The following CRYBG1 variants were observed in gnomAD, a reference collection of about 807,000 sequenced individuals.
CRYBG1 encodes the protein crystallin beta-gamma domain containing 1.
CRYBG1 carries 139 observed loss-of-function variants against 189.2 expected under a neutral mutation model. The observed-to-expected ratio is 0.73, with a 90% confidence interval of 0.64 to 0.85. The LOEUF (loss-of-function observed/expected upper bound fraction) is 0.85, where lower values mean the gene tolerates loss of function less well. CRYBG1 is among the 40% of genes least tolerant of loss of function. CRYBG1 has a pLI of 0.00. For synonymous variants in CRYBG1, 1,023 were observed against 1,017.1 expected, an observed-to-expected ratio of 1.01 and a Z score of -0.11; for missense variants, 2,611 against 2,675.8, an observed-to-expected ratio of 0.98 and a Z score of 0.53.
intron 4 of CRYBG1, 56 bp from the exon 5 acceptor site, chr6:106,525,077 A>G: frequency 6.3e-7 from 1 of 1,579,982 alleles, no homozygotes; most frequent in Non-Finnish European, 8.7e-7. Flanking sequence ...GTGGAAAAAG[A>G]GGATCGTTAT....
intron 1 of CRYBG1, among the ~76,000 whole-genome samples, chr6:106,372,295 A>C (rs1009129137): frequency 2.6e-5 from 4 of 152,014 alleles, no homozygotes; most frequent in African/African-American, 9.7e-5. Context: ...CCAGTTGCTC[A>C]GGCTGGAGTG....
At chr6:106,439,051 A>G (rs1363771348) in intron 1 of CRYBG1, among the ~76,000 whole-genome samples, 2 of 7,540 alleles carry the variant, frequency 2.7e-4, no homozygotes, top group Admixed American at 1.8e-3. Context: ...TTAAAAAATG[A>G]AAAAAAAAAA....
intron 4 of CRYBG1, among the ~76,000 whole-genome samples, chr6:106,523,494 T>C (rs541676435): frequency 2.0e-5 from 3 of 152,242 alleles, no homozygotes; most frequent in East Asian, 3.9e-4. Context: ...TCAAATGACA[T>C]AAAAAGGAAA....
At chr6:106,517,529 A>G (rs896794293) in intron 3 of CRYBG1, among the ~76,000 whole-genome samples, 1 of 151,484 alleles carries the variant, frequency 6.6e-6, no homozygotes, top group African/African-American at 2.4e-5. Flanking sequence ...CATATATATA[A>G]GCTTTGGAAT....
chr6:106,474,399 A>C (rs1772294237), intron 2 of CRYBG1, among the ~76,000 whole-genome samples: 1 of 152,098 alleles, frequency 6.6e-6, no homozygotes, highest in Non-Finnish European at 1.5e-5. Context: ...GTGTATAATA[A>C]CCTGCATATT....
intron 1 of CRYBG1, among the ~76,000 whole-genome samples, chr6:106,365,489 A>G (rs920626241): frequency 6.7e-6 from 1 of 149,814 alleles, no homozygotes; most frequent in Admixed American, 6.7e-5. Context: ...GGGTCTCACT[A>G]TGTTGCCCAG....
At chr6:106,552,274 G>C (rs1008579971) in intron 15 of CRYBG1, 58 bp downstream of exon 15, 1 of 1,231,910 alleles carries the variant, frequency 8.1e-7, no homozygotes, top group Admixed American at 2.7e-5. Flanking sequence ...TTGAAAAGCT[G>C]AACTTATGTT....
In CRYBG1 at chr6:106,403,867, G is replaced by T. The variant is rs1249466569; in HGVS notation, c.173+42786G>T. Among the ~76,000 whole-genome samples the T allele has an allele frequency of 2.6e-5, 4 of 152,308 alleles. No individual in the cohort carries two copies. In the East Asian group the frequency reaches 7.7e-4, roughly 29 times the overall value. On this transcript the variant is annotated intron_variant, in intron 1 of 21. Transcript: ENST00000633556. ...GTGATCTAAGAAAGGTCAAAACATG[G>T]TAGCTTAAAAACAATGTGCAAAACA...
intron 2 of CRYBG1, among the ~76,000 whole-genome samples, chr6:106,476,531 A>T (rs1473294756): frequency 6.6e-6 from 1 of 152,236 alleles, no homozygotes; most frequent in Non-Finnish European, 1.5e-5. Flanking sequence ...CAGCTATGAC[A>T]CTAAGGAATG....
Position 106,552,209 on chromosome 6 carries a change from GA to G in CRYBG1, c.5468del (p.Asn1823IlefsTer81). 6.4e-7 allele frequency: 1 copy of G among 1,567,700 alleles called. No individual in the cohort carries two copies. The highest frequency in any genetic ancestry group is 8.7e-7 in the Non-Finnish European group (1 of 1,150,198). ...GATTCTTTCACTGGCCCAAGGAGAC[GA>G]AATCAGGTAACTTTAAAAATATTCT... ...CLDSFTGPRR[R>X]NQIHLFSEPQ... is the part of the protein sequence containing the mutation. On this transcript the variant is annotated frameshift_variant, in exon 15 of 22. Coordinates refer to ENST00000633556, the MANE Select transcript of CRYBG1 (RefSeq NM_001371242.2). LOFTEE classifies it high-confidence loss of function.
At chr6:106,397,102 A>G (rs185403658) in intron 1 of CRYBG1, among the ~76,000 whole-genome samples, 1 of 152,364 alleles carries the variant, frequency 6.6e-6, no homozygotes, top group Admixed American at 6.5e-5. Flanking sequence ...TCTTTTACCA[A>G]TTCTTTTTTC....
chr6:106,546,943 A>G (rs1019004235), intron 13 of CRYBG1, among the ~76,000 whole-genome samples: 1 of 152,188 alleles, frequency 6.6e-6, no homozygotes, highest in Non-Finnish European at 1.5e-5. Context: ...GAATTCCCTT[A>G]GGTATTTTGT....
In CRYBG1 at chr6:106,511,736, C is replaced by G; in HGVS notation, c.619C>G (p.Pro207Ala). Residue 207 changes from proline to alanine, a missense_variant, in exon 3 of 22, where the codon CCT becomes GCT. By Grantham distance (27) the Pro-to-Ala change is conservative. Around this residue, in one of 3 missense-constraint regions of CRYBG1, gnomAD observed 985 missense variants for 924.4 expected, o/e 1.07. Coordinates refer to ENST00000633556, the MANE Select transcript of CRYBG1 (RefSeq NM_001371242.2). ...CGAGAGCGGTGGCCCCGCAGCCCCC[C>G]CTGACGCCGAGCTGTCACCTCGCTG... ...LPESGGPAAPPDAELSPRWSS... is the reference protein window; with the variant it reads ...LPESGGPAAPADAELSPRWSS... 3.3e-6 allele frequency: 5 copies of G among 1,535,318 alleles called. No homozygotes were observed. The highest frequency in any genetic ancestry group is 1.2e-5 in the South Asian group (1 of 84,002).
At position 106,452,421 on chromosome 6, in the gene CRYBG1, C is replaced by CA. The variant is rs33972717; in HGVS notation, c.312+606dup. Among the ~76,000 whole-genome samples the CA allele has an allele frequency of 2.3e-3, 293 of 125,522 alleles. 2 individuals carry two copies. Among genetic ancestry groups the CA allele is most frequent in the East Asian group, 5.8e-3 (25 of 4,312 alleles). 82.3% of individuals were successfully genotyped at this position (125,522 alleles called of 152,430 possible). ...CCTGAGTGACAGAGTGAGACTGTCTCAAAAAAAAAAAAAAAAAGAATGAGC... is the reference window on the plus strand; with the variant it reads ...CCTGAGTGACAGAGTGAGACTGTCTCAAAAAAAAAAAAAAAAAAGAATGAGC... On this transcript the variant is annotated intron_variant, in intron 2 of 21. Transcript: ENST00000633556.
chr6:106,479,048 T>C (rs887357791), intron 2 of CRYBG1, among the ~76,000 whole-genome samples: 6 of 152,262 alleles, frequency 3.9e-5, no homozygotes, highest in South Asian at 2.1e-4. Context: ...TTCTTCCATG[T>C]TGTAGCATGT....
intron 1 of CRYBG1, among the ~76,000 whole-genome samples, chr6:106,444,995 A>AACAG (rs368900867): frequency 1.3e-5 from 2 of 151,924 alleles, no homozygotes; most frequent in African/African-American, 2.4e-5. Context: ...CAAACAAACA[A>AACAG]ACAGACAAAC....
In CRYBG1 at chr6:106,512,484, C is replaced by T. The variant is rs1478025224; in HGVS notation, c.1367C>T (p.Ala456Val). 5.0e-6 allele frequency: 8 copies of T among 1,611,428 alleles called. No homozygotes were observed. Among genetic ancestry groups the T allele is most frequent in the Non-Finnish European group, 5.9e-6 (7 of 1,179,280 alleles). Reference protein sequence around the residue: ...AVFDDEVAPNAASDNASAEKK... With the variant: ...AVFDDEVAPNVASDNASAEKK... ...TTCGACGACGAGGTGGCGCCAAACG[C>T]GGCCAGCGATAACGCCTCGGCGGAA... Residue 456 changes from alanine to valine, a missense_variant, in exon 3 of 22, where the codon GCG (alanine) becomes GTG (valine). Ala to Val is a moderately conservative substitution (Grantham distance 64). This residue lies in a region of CRYBG1 where 985 missense variants were observed against 924.4 expected (regional missense o/e 1.07). Transcript: ENST00000633556.
chr6:106,362,283 TA>T (rs1226251085), intron 1 of CRYBG1, among the ~76,000 whole-genome samples: 1 of 152,108 alleles, frequency 6.6e-6, no homozygotes, highest in African/African-American at 2.4e-5. Flanking sequence ...CTTTTATTTG[TA>T]AAAAAAGTCA....
At chr6:106,394,292 C>A (rs1770563298) in intron 1 of CRYBG1, among the ~76,000 whole-genome samples, 1 of 152,150 alleles carries the variant, frequency 6.6e-6, no homozygotes, top group African/African-American at 2.4e-5. Flanking sequence ...TTTCATTTTT[C>A]TACCTTTCTT....
Sources: allele counts gnomAD v4.1 joint callset (sites outside exome capture counted in the v4.1 genomes callset), GRCh38; gene constraint gnomAD v4.1.1; regional missense constraint gnomAD v4.1.1; transcripts MANE v1.5; gene names NCBI Gene and HGNC (gene_info 2026-07-23, HGNC 2026-07-21).